The following SCIN variants were observed in gnomAD, a reference collection of about 807,000 sequenced individuals.
SCIN encodes adseverin.
Under a neutral mutation model 91.8 loss-of-function variants are expected in SCIN, and 91 were observed. The observed-to-expected ratio is 0.99, with a 90% CI of 0.84 to 1.18. SCIN has a LOEUF of 1.18. Ranked by LOEUF, SCIN falls within the 50% of genes most tolerant of loss-of-function variation. The pLI, the probability that SCIN is intolerant of heterozygous loss-of-function variation, is 0.00. For missense variants in SCIN, 1,087 were observed against 863.9 expected (o/e 1.26, Z -3.24); for synonymous variants, 367 against 312.6 (o/e 1.17, Z -1.84).
At chr7:12,577,672 G>T (rs1176766465) in intron 1 of SCIN, 2 of 437,972 alleles carry the variant, frequency 4.6e-6, no homozygotes, top group East Asian at 6.9e-5. Context: ...GGCAACATAT[G>T]GAGACCTTTT....
chr7:12,619,127 G>A lies in SCIN; in HGVS notation c.667-3674G>A, dbSNP rs77154309. Among the ~76,000 whole-genome samples the A allele has an allele frequency of 5.9e-3, 901 of 152,150 alleles. 10 individuals carry two copies. Among genetic ancestry groups the A allele is most frequent in the African/African-American group, 0.02 (839 of 41,532 alleles). On this transcript the variant is annotated intron_variant, in intron 4 of 15. Coordinates refer to ENST00000297029, the MANE Select transcript of SCIN (RefSeq NM_001112706.3). ...GCACATAAGACCCTCAATGATAAATGCCTTTAGGACTTGGCACCAGCTTGG... is the reference window on the plus strand; with the variant it reads ...GCACATAAGACCCTCAATGATAAATACCTTTAGGACTTGGCACCAGCTTGG...
At chr7:12,592,437 G>A (rs1782744052) in intron 3 of SCIN, among the ~76,000 whole-genome samples, 2 of 152,114 alleles carry the variant, frequency 1.3e-5, no homozygotes, top group African/African-American at 4.8e-5. Flanking sequence ...TGGTGGGTTA[G>A]AGAGATGGGG....
chr7:12,627,906 T>C (rs1403516880), intron 8 of SCIN, among the ~76,000 whole-genome samples: 6 of 152,120 alleles, frequency 3.9e-5, no homozygotes, highest in Non-Finnish European at 5.9e-5. Context: ...AGGCTTCTGC[T>C]CACTAGGATA....
At chr7:12,616,404 T>A (rs1156264006) in intron 4 of SCIN, among the ~76,000 whole-genome samples, 1 of 152,156 alleles carries the variant, frequency 6.6e-6, no homozygotes, top group African/African-American at 2.4e-5. Flanking sequence ...CTCTCCATGT[T>A]CTCTTGCCTT....
Position 12,651,985 on chromosome 7 carries a change from T to C in SCIN, c.2020+84T>C. 1.2e-6 allele frequency: 1 copy of C among 830,370 alleles called. No individual in the cohort carries two copies. The highest frequency in any genetic ancestry group is 1.9e-6 in the Non-Finnish European group (1 of 518,038). The allele number at this position is 830,370 out of a possible 1,614,324, so 51.4% of individuals were successfully genotyped here. A position where few individuals can be genotyped will look rare whatever the true frequency, so the allele number is the denominator to read the frequency against. On this transcript the variant is annotated intron_variant, in intron 15 of 15. Coordinates refer to ENST00000297029, the MANE Select transcript of SCIN (RefSeq NM_001112706.3). This position sits in a 1 kb window ranked among gnomAD's most constrained non-coding sequence, Gnocchi z 5.9. ...TGGCTTGCTCTTTGCCACCATGTCT[T>C]ACAAAAATACATTTCAAAATCAAGA... is the stretch of plus-strand genomic sequence containing the variant.
chr7:12,635,160 C>T (rs1783722353), intron 9 of SCIN, among the ~76,000 whole-genome samples: 1 of 151,402 alleles, frequency 6.6e-6, no homozygotes, highest in Non-Finnish European at 1.5e-5. Context: ...ATGAGTGAGA[C>T]TCTGTCTCAA....
At chr7:12,623,904 T>C (rs911755438) in intron 5 of SCIN, among the ~76,000 whole-genome samples, 4 of 152,292 alleles carry the variant, frequency 2.6e-5, no homozygotes, top group South Asian at 4.1e-4. Context: ...ATACAGAAAG[T>C]GTTAGCTAAA....
chr7:12,608,887 G>C (rs10487760), intron 4 of SCIN, among the ~76,000 whole-genome samples: 1 of 152,090 alleles, frequency 6.6e-6, no homozygotes, highest in Non-Finnish European at 1.5e-5. Flanking sequence ...TTGAAAGCAC[G>C]GATATTTTAA....
intron 9 of SCIN, among the ~76,000 whole-genome samples, chr7:12,630,338 G>T (rs1583311358): frequency 6.6e-6 from 1 of 152,272 alleles, no homozygotes. Flanking sequence ...CTGCATTTTA[G>T]CAAGGACCTC....
intron 4 of SCIN, among the ~76,000 whole-genome samples, chr7:12,608,570 T>C (rs1783128237): frequency 6.6e-6 from 1 of 152,122 alleles, no homozygotes; most frequent in Non-Finnish European, 1.5e-5. Context: ...CTCTGCCTTC[T>C]GGGTTCAAGT....
chr7:12,586,463 G>T (rs914290626), intron 3 of SCIN, among the ~76,000 whole-genome samples: 1 of 151,982 alleles, frequency 6.6e-6, no homozygotes, highest in Admixed American at 6.6e-5. Flanking sequence ...CGAGAAAAGG[G>T]AACTCTTATA....
At chr7:12,623,298 G>C (rs1278347798) in intron 5 of SCIN, among the ~76,000 whole-genome samples, 1 of 152,072 alleles carries the variant, frequency 6.6e-6, no homozygotes, top group Non-Finnish European at 1.5e-5. Context: ...CCATAATGAA[G>C]GAGTTCTTTG....
intron 4 of SCIN, among the ~76,000 whole-genome samples, chr7:12,617,343 C>T (rs757488829): frequency 5.9e-5 from 9 of 151,976 alleles, no homozygotes; most frequent in Non-Finnish European, 1.0e-4. Flanking sequence ...CTCTTAGTAG[C>T]GGCTCCACCC....
chr7:12,626,204 A>T (rs1783518715), intron 7 of SCIN: 1 of 308,730 alleles, frequency 3.2e-6, no homozygotes, highest in African/African-American at 2.2e-5. Context: ...CTTCATCGAA[A>T]TCAATTTAGA....
intron 6 of SCIN, 22 bp from the exon 7 acceptor site, chr7:12,625,740 T>C (rs1342785301): frequency 2.0e-6 from 3 of 1,521,006 alleles, no homozygotes; most frequent in African/African-American, 1.4e-5. Context: ...GTTCTTTCTC[T>C]TTAATTTACC....
intron 3 of SCIN, among the ~76,000 whole-genome samples, chr7:12,599,961 G>T (rs1782924571): frequency 6.6e-6 from 1 of 152,098 alleles, no homozygotes; most frequent in Non-Finnish European, 1.5e-5. Context: ...CATTCTGTGG[G>T]TTGTCTGTTA....
intron 4 of SCIN, among the ~76,000 whole-genome samples, chr7:12,609,106 TC>T (rs1369634700): frequency 6.6e-6 from 1 of 152,158 alleles, no homozygotes; most frequent in Non-Finnish European, 1.5e-5. Context: ...CATAAATTTA[TC>T]CTCCAAAGCA....
intron 9 of SCIN, 48 bp downstream of exon 9, chr7:12,629,270 TG>T: frequency 1.9e-6 from 3 of 1,562,972 alleles, no homozygotes; most frequent in Non-Finnish European, 2.6e-6. Flanking sequence ...AGCCAGATTT[TG>T]CTCCAAAGTA....
At chr7:12,594,261 G>T (rs1782789877) in intron 3 of SCIN, among the ~76,000 whole-genome samples, 1 of 152,030 alleles carries the variant, frequency 6.6e-6, no homozygotes, top group Admixed American at 6.6e-5. Flanking sequence ...TCATGATGCT[G>T]TCGAGGAGGG....
Sources: gnomAD v4.1 joint callset for allele counts (sites outside exome capture counted in the v4.1 genomes callset) on GRCh38, gnomAD v4.1.1 for gene constraint, Gnocchi (gnomAD v3.1) non-coding constraint, MANE v1.5 for transcripts, NCBI Gene and HGNC (gene_info 2026-07-23, HGNC 2026-07-21) for gene names.